The following PDZRN4 variants were observed in gnomAD, a reference collection of about 807,000 sequenced individuals.
PDZRN4 encodes PDZ domain-containing RING finger protein 4.
Under a neutral mutation model 99.0 loss-of-function variants are expected in PDZRN4, and 70 were observed. The ratio of observed to expected loss-of-function variants is 0.71; its 90% CI spans 0.58 to 0.86. The LOEUF (loss-of-function observed/expected upper bound fraction) is 0.86, where lower values mean the gene tolerates loss of function less well. PDZRN4 is among the 40% of genes least tolerant of loss of function. PDZRN4 has a pLI of 0.00. For synonymous variants in PDZRN4, 551 were observed against 501.6 expected (o/e 1.10, Z -1.32); for missense variants, 1,474 against 1,331.2 (o/e 1.11, Z -1.67).
chr12:41,496,975 C>T (rs1938016989), intron 3 of PDZRN4, among the ~76,000 whole-genome samples: 1 of 152,098 alleles, frequency 6.6e-6, no homozygotes, highest in African/African-American at 2.4e-5. Flanking sequence ...ACTTTACCAT[C>T]TTCTTTCCCG....
intron 3 of PDZRN4, among the ~76,000 whole-genome samples, chr12:41,414,997 G>A (rs1270290981): frequency 6.6e-6 from 1 of 152,206 alleles, no homozygotes; most frequent in Non-Finnish European, 1.5e-5. Context: ...AGGCTGGAAA[G>A]AGAGGTTCTA....
intron 5 of PDZRN4, among the ~76,000 whole-genome samples, chr12:41,520,442 A>T (rs1938473926): frequency 6.6e-6 from 1 of 152,144 alleles, no homozygotes; most frequent in Non-Finnish European, 1.5e-5. Context: ...GCAGGCTAGC[A>T]AAGCTAAAGC....
chr12:41,348,849 C>A (rs1951872588), intron 3 of PDZRN4, among the ~76,000 whole-genome samples: 1 of 151,890 alleles, frequency 6.6e-6, no homozygotes, highest in Non-Finnish European at 1.5e-5. Context: ...TAATAAATTT[C>A]TATTTGTCAA....
chr12:41,248,998 G>A (rs908129708), intron 3 of PDZRN4, among the ~76,000 whole-genome samples: 2 of 152,080 alleles, frequency 1.3e-5, no homozygotes, highest in Non-Finnish European at 2.9e-5. Flanking sequence ...GATAGTTTTA[G>A]TGGACATTTA....
chr12:41,462,367 G>A lies in PDZRN4; in HGVS notation c.844-44089G>A, dbSNP rs190060865. ...TTTCTCATAGAAAGTTAATGTGCCAGGAAGCCTTCATTAAGTTTTCATTAT... is the reference window on the plus strand; with the variant it reads ...TTTCTCATAGAAAGTTAATGTGCCAAGAAGCCTTCATTAAGTTTTCATTAT... On this transcript the variant is annotated intron_variant, in intron 3 of 9. Transcript: ENST00000402685. 2.8e-3 allele frequency among the ~76,000 whole-genome samples: 425 copies of A among 152,256 alleles called. 3 individuals carry two copies. Among genetic ancestry groups the A allele is most frequent in the Middle Eastern group, 3.4e-3 (1 of 294 alleles).
chr12:41,565,204 TC>T (rs1411556934), intron 8 of PDZRN4, among the ~76,000 whole-genome samples: 1 of 152,098 alleles, frequency 6.6e-6, no homozygotes, highest in East Asian at 1.9e-4. Flanking sequence ...AAATGAGACT[TC>T]CCTTTCCACA....
intron 3 of PDZRN4, among the ~76,000 whole-genome samples, chr12:41,205,374 CT>C (rs1950841824): frequency 6.6e-6 from 1 of 151,852 alleles, no homozygotes; most frequent in Non-Finnish European, 1.5e-5. Context: ...AAAACCTTCC[CT>C]GCGCATGGGA....
chr12:41,391,989 C>T (rs1025218068), intron 3 of PDZRN4, among the ~76,000 whole-genome samples: 7 of 152,082 alleles, frequency 4.6e-5, no homozygotes, highest in Non-Finnish European at 1.5e-5. Context: ...CAAGAGGTTA[C>T]AGGATAGCTT....
intron 3 of PDZRN4, among the ~76,000 whole-genome samples, chr12:41,452,516 A>T (rs572690027): frequency 6.6e-6 from 1 of 152,034 alleles, no homozygotes; most frequent in Non-Finnish European, 1.5e-5. Flanking sequence ...GATGCCTAAT[A>T]TTACCTTCAG....
At chr12:41,225,684 A>G (rs1183269593) in intron 3 of PDZRN4, among the ~76,000 whole-genome samples, 1 of 152,138 alleles carries the variant, frequency 6.6e-6, no homozygotes, top group Admixed American at 6.6e-5. Flanking sequence ...ACAACTGAAT[A>G]TGGGGGTGGG....
At chr12:41,233,750 G>A (rs1050199730) in intron 3 of PDZRN4, among the ~76,000 whole-genome samples, 2 of 151,782 alleles carry the variant, frequency 1.3e-5, no homozygotes, top group Admixed American at 1.3e-4. Context: ...AGAACACATG[G>A]ACACAGGAAG....
At chr12:41,361,996 C>T (rs1951966651) in intron 3 of PDZRN4, among the ~76,000 whole-genome samples, 1 of 151,984 alleles carries the variant, frequency 6.6e-6, no homozygotes, top group South Asian at 2.1e-4. Context: ...CAGCTGTGTG[C>T]TTGGCTGCAG....
At chr12:41,244,208 C>G (rs1002564310) in intron 3 of PDZRN4, among the ~76,000 whole-genome samples, 3 of 152,078 alleles carry the variant, frequency 2.0e-5, no homozygotes, top group Non-Finnish European at 1.5e-5. Context: ...TAGGCCAAAC[C>G]CTCAGAGTCA....
intron 3 of PDZRN4, chr12:41,459,861 A>G (rs1487380653): frequency 1.9e-6 from 2 of 1,047,282 alleles, no homozygotes; most frequent in Admixed American, 8.0e-5. Flanking sequence ...TACCCATTAA[A>G]TTAACATTAG....
At chr12:41,262,228 T>G (rs1389428544) in intron 3 of PDZRN4, among the ~76,000 whole-genome samples, 2 of 152,208 alleles carry the variant, frequency 1.3e-5, no homozygotes, top group Admixed American at 1.3e-4. Flanking sequence ...GTAACATTCA[T>G]TATAGTTTTG....
chr12:41,312,991 T>C (rs1468199268), intron 3 of PDZRN4, among the ~76,000 whole-genome samples: 1 of 152,186 alleles, frequency 6.6e-6, no homozygotes, highest in East Asian at 1.9e-4. Context: ...CGTCTGGATG[T>C]CTCATAAGCA....
At chr12:41,515,986 A>G (rs920652544) in intron 5 of PDZRN4, among the ~76,000 whole-genome samples, 1 of 151,922 alleles carries the variant, frequency 6.6e-6, no homozygotes, top group Non-Finnish European at 1.5e-5. Context: ...ACAGCACAAC[A>G]ATACTCAGAG....
rs188253807 is a variant in PDZRN4 at position 41,567,768 on chromosome 12, T to C, written c.1468-15T>C. The stretch of plus-strand genomic sequence containing the variant: ...TCACTAACATAATATAATGTACTAA[T>C]GTATTCTTTTGCAGCTGGATGAAGG... On this transcript the variant is annotated splice_polypyrimidine_tract_variant and intron_variant, in intron 8 of 9. Transcript: ENST00000402685. 5.5e-5 allele frequency: 84 copies of C among 1,519,488 alleles called. No individual in the cohort carries two copies. The African/African-American group carries it at 9.6e-4, about 17-fold the overall frequency. The allele number at this position is 1,519,488 out of a possible 1,614,324, so 94.1% of individuals were successfully genotyped here.
chr12:41,469,942 T>TAA (rs1377397306), intron 3 of PDZRN4, among the ~76,000 whole-genome samples: 1 of 151,432 alleles, frequency 6.6e-6, no homozygotes, highest in African/African-American at 2.4e-5. Flanking sequence ...AAATAAAAAA[T>TAA]AAAAAATAAA....
Sources: gnomAD v4.1 joint callset for allele counts (sites outside exome capture counted in the v4.1 genomes callset) on GRCh38, gnomAD v4.1.1 for gene constraint, MANE v1.5 for transcripts, NCBI Gene and HGNC (gene_info 2026-07-23, HGNC 2026-07-21) for gene names.